ZFHX3: variants seen among roughly 807,000 people sequenced by gnomAD.
The protein encoded by ZFHX3 is zinc finger homeobox protein 3.
A neutral mutation model predicts 279.1 loss-of-function variants in ZFHX3; 42 were observed. That is an observed-to-expected ratio of 0.15 (90% confidence interval 0.12 to 0.19). The LOEUF is 0.19. ZFHX3 is among the 10% of genes least tolerant of loss of function. ZFHX3 has a pLI of 1.00. For synonymous variants in ZFHX3, 2,293 were observed against 1,957.8 expected, an observed-to-expected ratio of 1.17 and a Z score of -4.52; for missense variants, 4,981 against 4,754.0, an observed-to-expected ratio of 1.05 and a Z score of -1.40.
chr16:73,296,664 C>G (rs764596753), intron 4 of ZFHX3, among the ~76,000 whole-genome samples: 12 of 152,044 alleles, frequency 7.9e-5, no homozygotes, highest in Admixed American at 3.3e-4. Flanking sequence ...GATCTGTTAC[C>G]TAAGATAGGC....
At position 73,789,620 on chromosome 16, in the gene ZFHX3, T is replaced by C. The variant is rs1239220860; in HGVS notation, c.-1608+102031A>G. Among the ~76,000 whole-genome samples the C allele has an allele frequency of 2.0e-5, 3 of 152,208 alleles. No homozygotes were observed. In the South Asian group the frequency reaches 6.2e-4, roughly 32 times the overall value. On this transcript the variant is annotated intron_variant, in intron 1 of 17. Coordinates refer to the ZFHX3 transcript ENST00000641206. ...ATTTTTACCGCTAGTATTACAGATA[T>C]GTCAAAATCAGATCCTATGTGTGGG...
At chr16:72,870,219 T>A (rs115105470) in intron 4 of ZFHX3, among the ~76,000 whole-genome samples, 5,123 of 150,712 alleles carry the variant, frequency 0.034, 183 homozygotes, top group African/African-American at 0.08. Flanking sequence ...TGGTGAGACA[T>A]CATCTCTACA....
chr16:73,215,897 G>A (rs892809540), intron 5 of ZFHX3, among the ~76,000 whole-genome samples: 4 of 152,134 alleles, frequency 2.6e-5, no homozygotes, highest in Non-Finnish European at 5.9e-5. Context: ...GTGTGCGTGT[G>A]TATGTGTATG....
chr16:72,797,126 C>A lies in ZFHX3; in HGVS notation c.5556G>T (p.Gln1852His), dbSNP rs767279158. 3.7e-6 allele frequency: 6 copies of A among 1,613,838 alleles called. No homozygotes were observed. Among genetic ancestry groups the A allele is most frequent in the Non-Finnish European group, 5.1e-6 (6 of 1,180,004 alleles). Residue 1852 changes from glutamine (Q) to histidine (H), a missense_variant, in exon 9 of 10, where the codon CAG becomes CAT. By Grantham distance (24) the Gln-to-His change is conservative. Coordinates refer to ENST00000268489, the MANE Select transcript of ZFHX3 (RefSeq NM_006885.4). ...PQQSHQQILP[Q>H]QQQNQLSIAQ... ...CTATAGAGAGTTGGTTCTGCTGCTG[C>A]TGCGGCAAGATCTGCTGATGGCTCT...
At chr16:73,166,995 GT>G (rs1281878755) in intron 5 of ZFHX3, among the ~76,000 whole-genome samples, 1 of 152,202 alleles carries the variant, frequency 6.6e-6, no homozygotes, top group African/African-American at 2.4e-5. Context: ...AATGAGATCA[GT>G]TTGATAAATT....
chr16:73,391,128 C>T (rs1168862200), intron 3 of ZFHX3, among the ~76,000 whole-genome samples: 5 of 152,170 alleles, frequency 3.3e-5, no homozygotes, highest in African/African-American at 9.7e-5. Context: ...GGCCCTTAGC[C>T]ACCTTGGGCG....
intron 5 of ZFHX3, among the ~76,000 whole-genome samples, chr16:73,174,577 C>G (rs1233702123): frequency 6.6e-6 from 1 of 152,076 alleles, no homozygotes; most frequent in Non-Finnish European, 1.5e-5. Flanking sequence ...CCCACCATTT[C>G]CTGTCATCTC....
intron 2 of ZFHX3, among the ~76,000 whole-genome samples, chr16:73,593,592 G>A (rs1223773759): frequency 2.1e-5 from 3 of 143,348 alleles, no homozygotes; most frequent in Admixed American, 1.4e-4. Flanking sequence ...GGGAGGGAGG[G>A]AGGGAGGGAA....
chr16:73,300,508 AC>A (rs745431378), intron 4 of ZFHX3, among the ~76,000 whole-genome samples: 27 of 148,634 alleles, frequency 1.8e-4, no homozygotes, highest in South Asian at 4.2e-4. Flanking sequence ...GTGCTCCTTG[AC>A]TTTTTTTTTT....
intron 6 of ZFHX3, among the ~76,000 whole-genome samples, chr16:73,141,740 T>G (rs1430399607): frequency 1.3e-5 from 2 of 152,160 alleles, no homozygotes; most frequent in Admixed American, 1.3e-4. Flanking sequence ...ACCCTCCCTT[T>G]GAGGTAGGTG....
chr16:73,676,079 A>G (rs1050479549), intron 2 of ZFHX3, among the ~76,000 whole-genome samples: 1 of 152,114 alleles, frequency 6.6e-6, no homozygotes, highest in African/African-American at 2.4e-5. Flanking sequence ...AATAACTAAG[A>G]ACTCAAAAAT....
intron 2 of ZFHX3, among the ~76,000 whole-genome samples, chr16:73,642,189 T>A (rs2052579655): frequency 6.6e-6 from 1 of 152,184 alleles, no homozygotes; most frequent in South Asian, 2.1e-4. Context: ...ACTCTTTTTC[T>A]TTTACTCAAG....
intron 5 of ZFHX3, among the ~76,000 whole-genome samples, chr16:72,812,487 C>T (rs2036487856): frequency 6.6e-6 from 1 of 152,192 alleles, no homozygotes; most frequent in East Asian, 1.9e-4. Context: ...TTTATTGTCC[C>T]TCCTCTTGGA....
intron 3 of ZFHX3, among the ~76,000 whole-genome samples, chr16:72,923,450 GAAAA>G (rs34096322): frequency 1.2e-5 from 1 of 86,096 alleles, no homozygotes; most frequent in Non-Finnish European, 2.3e-5. Flanking sequence ...TCTCAGACCA[GAAAA>G]AAAAAAAAAA....
intron 3 of ZFHX3, among the ~76,000 whole-genome samples, chr16:72,933,816 T>TTTTTTTTC (rs1567591499): frequency 9.1e-6 from 1 of 110,154 alleles, no homozygotes; most frequent in Non-Finnish European, 1.9e-5. Context: ...CAACTTTCTT[T>TTTTTTTTC]TTTTTTTTTT....
At chr16:73,067,534 G>C (rs930387476) in intron 8 of ZFHX3, among the ~76,000 whole-genome samples, 8 of 152,180 alleles carry the variant, frequency 5.3e-5, no homozygotes, top group South Asian at 2.1e-4. Flanking sequence ...TATTTTGCCT[G>C]TGGCTGGTTG....
chr16:73,322,870 C>T (rs1337075113), intron 3 of ZFHX3, among the ~76,000 whole-genome samples: 1 of 152,214 alleles, frequency 6.6e-6, no homozygotes, highest in Non-Finnish European at 1.5e-5. Flanking sequence ...AGCTGACGGT[C>T]AGCAAACTGC....
At chr16:73,365,853 T>C (rs1335741865) in intron 3 of ZFHX3, among the ~76,000 whole-genome samples, 1 of 152,180 alleles carries the variant, frequency 6.6e-6, no homozygotes, top group Non-Finnish European at 1.5e-5. Flanking sequence ...AAGAGGAATG[T>C]TCCAGGCAAC....
chr16:73,402,899 A>T (rs1257228181), intron 3 of ZFHX3, among the ~76,000 whole-genome samples: 1 of 123,304 alleles, frequency 8.1e-6, no homozygotes, highest in African/African-American at 4.6e-5. Context: ...ATGGAAAATA[A>T]AAAAAAAAAC....
Sources: gnomAD v4.1 joint callset for allele counts (sites outside exome capture counted in the v4.1 genomes callset) on GRCh38, gnomAD v4.1.1 for gene constraint, MANE v1.5 for transcripts, NCBI Gene and HGNC (gene_info 2026-07-23, HGNC 2026-07-21) for gene names.